The following AGPAT5 variants were observed in gnomAD, a reference collection of about 807,000 sequenced individuals.
AGPAT5 encodes the protein 1-acyl-sn-glycerol-3-phosphate acyltransferase epsilon.
A neutral mutation model predicts 45.6 loss-of-function variants in AGPAT5; 46 were observed. That is an observed-to-expected ratio of 1.01 (90% CI 0.80 to 1.29). The LOEUF is 1.29. Ranked by LOEUF, AGPAT5 falls within the 50% of genes most tolerant of loss-of-function variation. The probability of loss-of-function intolerance (pLI) is 0.00; values close to 1 mark genes in which losing one functional copy is unlikely to be tolerated. For missense variants in AGPAT5, 673 were observed against 450.7 expected (o/e 1.49, Z -4.47); for synonymous variants, 272 against 167.0 (o/e 1.63, Z -4.85).
rs568253542 is a variant in AGPAT5, at chr8:6,758,517, G to A, written c.*1129G>A. Reference sequence around the variant, plus strand: ...CCACTTTCAGAGTTGAACTCTTTAAGCCCTTGTGAGTGGGCTTCACCAGCT... The same window carrying A: ...CCACTTTCAGAGTTGAACTCTTTAAACCCTTGTGAGTGGGCTTCACCAGCT... On this transcript the variant is annotated 3_prime_UTR_variant, in exon 8 of 8. Transcript: ENST00000285518. 13 of 152,508 alleles carry A rather than the reference G, an allele frequency of 8.5e-5. No individual in the cohort carries two copies. The South Asian group carries it at 2.7e-3, about 32-fold the overall frequency. 9.4% of individuals were successfully genotyped at this position (152,508 alleles called of 1,614,324 possible). A position where few individuals can be genotyped will look rare whatever the true frequency, so the allele number is the denominator to read the frequency against.
chr8:6,726,195 G>A (rs1270545536), intron 2 of AGPAT5, among the ~76,000 whole-genome samples: 2 of 152,120 alleles, frequency 1.3e-5, no homozygotes, highest in Non-Finnish European at 2.9e-5. Context: ...CAGACATATT[G>A]GCTGTTTTAC....
At chr8:6,731,321 C>G (rs1800855099) in intron 3 of AGPAT5, among the ~76,000 whole-genome samples, 1 of 152,048 alleles carries the variant, frequency 6.6e-6, no homozygotes, top group Non-Finnish European at 1.5e-5. Context: ...GGTTTTCCTT[C>G]AGCATCTGTG....
intron 1 of AGPAT5, among the ~76,000 whole-genome samples, chr8:6,721,643 A>T (rs1023463454): frequency 6.6e-6 from 1 of 152,190 alleles, no homozygotes; most frequent in East Asian, 1.9e-4. Flanking sequence ...TGAGGATTCA[A>T]ATTCAAGTCT....
Position 6,747,799 on chromosome 8 carries a change from G to A in AGPAT5, c.716G>A (p.Gly239Glu), listed in dbSNP as rs888628686. 1.2e-6 allele frequency: 2 copies of A among 1,614,024 alleles called. No individual in the cohort carries two copies. Among genetic ancestry groups the A allele is most frequent in the Admixed American group, 1.7e-5 (1 of 60,006 alleles). ...TVVYEGKDDG[G>E]QRRESPTMTE... ...GTTTATGAAGGGAAAGACGATGGAG[G>A]GCAGCGAAGAGAGTCACCGACCATG... The change falls in exon 6 of 8, where the codon GGG becomes GAG. Residue 239 changes from glycine to glutamate, a missense_variant. Gly to Glu is a moderately conservative substitution (Grantham distance 98). Transcript: ENST00000285518.
Position 6,759,367 on chromosome 8 carries a change from G to C in AGPAT5, c.*1979G>C, listed in dbSNP as rs535304188. On this transcript the variant is annotated 3_prime_UTR_variant, in exon 8 of 8. Coordinates refer to ENST00000285518, the MANE Select transcript of AGPAT5 (RefSeq NM_018361.5). ...AACTATACTAATCTTCTCACAAAAG[G>C]TCTATAAAATACAGTCGTTGAAAAA... 1 of 152,196 alleles carries C rather than the reference G, an allele frequency of 6.6e-6. No individual in the cohort carries two copies. Among genetic ancestry groups the C allele is most frequent in the East Asian group, 1.9e-4 (1 of 5,184 alleles). The allele number at this position is 152,196 out of a possible 1,614,324, so 9.4% of individuals were successfully genotyped here.
At chr8:6,711,706 C>T (rs983537008) in intron 1 of AGPAT5, among the ~76,000 whole-genome samples, 1 of 152,068 alleles carries the variant, frequency 6.6e-6, no homozygotes, top group African/African-American at 2.4e-5. Flanking sequence ...GGTGTAGGCT[C>T]AATTTTACTC....
chr8:6,736,111 C>A (rs528144103), intron 4 of AGPAT5, among the ~76,000 whole-genome samples: 1 of 152,354 alleles, frequency 6.6e-6, no homozygotes, highest in African/African-American at 2.4e-5. Flanking sequence ...CTCGGCCCCC[C>A]ACAGTGCTGG....
At chr8:6,715,114 A>G (rs980108130) in intron 1 of AGPAT5, among the ~76,000 whole-genome samples, 1 of 152,190 alleles carries the variant, frequency 6.6e-6, no homozygotes, top group Non-Finnish European at 1.5e-5. Flanking sequence ...CAAGGGGTAC[A>G]ATGTTTGATA....
chr8:6,725,756 T>C (rs1800663895), intron 2 of AGPAT5, among the ~76,000 whole-genome samples: 2 of 152,204 alleles, frequency 1.3e-5, no homozygotes, highest in East Asian at 3.8e-4. Flanking sequence ...TTAAAAAATA[T>C]AATACCTAGA....
rs376509327 is a variant in AGPAT5, at chr8:6,727,152, A to T, written c.289+2213A>T. 2.0e-3 allele frequency among the ~76,000 whole-genome samples: 308 copies of T among 152,284 alleles called. 12 individuals carry two copies. In the South Asian group the frequency reaches 0.06, roughly 30 times the overall value. On this transcript the variant is annotated intron_variant, in intron 2 of 7. Transcript: ENST00000285518. ...TTTCAAAGACTGTTGTTCTGCTTAG[A>T]CTTTCTAGTTTGTCTTCTGCCAGGC...
At chr8:6,742,103 T>A (rs193271072) in intron 5 of AGPAT5, among the ~76,000 whole-genome samples, 1 of 152,324 alleles carries the variant, frequency 6.6e-6, no homozygotes, top group Non-Finnish European at 1.5e-5. Context: ...ATGACAGACC[T>A]AAGTTGGAGT....
chr8:6,736,797 T>C (rs1397717706), intron 4 of AGPAT5, among the ~76,000 whole-genome samples: 1 of 152,230 alleles, frequency 6.6e-6, no homozygotes, highest in Non-Finnish European at 1.5e-5. Context: ...TCACCTCTCA[T>C]TTACTTTCAC....
At chr8:6,719,754 A>C (rs889166734) in intron 1 of AGPAT5, among the ~76,000 whole-genome samples, 9 of 152,236 alleles carry the variant, frequency 5.9e-5, no homozygotes, top group Non-Finnish European at 1.0e-4. Context: ...CATATTAATG[A>C]AACGTTGATG....
chr8:6,714,856 G>A (rs1000822466), intron 1 of AGPAT5, among the ~76,000 whole-genome samples: 2 of 152,188 alleles, frequency 1.3e-5, no homozygotes, highest in African/African-American at 2.4e-5. Flanking sequence ...TATATACCTA[G>A]TTTACTTTCC....
Position 6,735,848 on chromosome 8 carries a change from C to CTTTT in AGPAT5, c.495+3198_495+3199insTTTT, listed in dbSNP as rs1563295313. Among the ~76,000 whole-genome samples the CTTTT allele has an allele frequency of 4.6e-3, 246 of 53,618 alleles. 18 individuals are homozygous for CTTTT. The highest frequency in any genetic ancestry group is 0.015 in the Middle Eastern group (1 of 68). 35.2% of individuals were successfully genotyped at this position (53,618 alleles called of 152,430 possible). A position where few individuals can be genotyped will look rare whatever the true frequency, so the allele number is the denominator to read the frequency against. On this transcript the variant is annotated intron_variant, in intron 4 of 7. Coordinates refer to ENST00000285518, the MANE Select transcript of AGPAT5 (RefSeq NM_018361.5). Reference sequence around the variant, plus strand: ...GTGTTCCTGTTTATTCTTTATATAGCCTTTTTTTTTTTTTTTTTTTTTTTG... The same window carrying CTTTT: ...GTGTTCCTGTTTATTCTTTATATAGCTTTTCTTTTTTTTTTTTTTTTTTTTTTTG...
chr8:6,739,168 C>G (rs1587042306), intron 4 of AGPAT5, among the ~76,000 whole-genome samples: 2 of 152,064 alleles, frequency 1.3e-5, no homozygotes, highest in East Asian at 3.9e-4. Context: ...ATCCTTATGC[C>G]AATACCATAC....
intron 1 of AGPAT5, among the ~76,000 whole-genome samples, chr8:6,723,380 T>A (rs1800572128): frequency 6.6e-6 from 1 of 152,138 alleles, no homozygotes; most frequent in Non-Finnish European, 1.5e-5. Flanking sequence ...AGAGACAGGG[T>A]CTGGCTGTGC....
chr8:6,726,690 G>A (rs1462067389), intron 2 of AGPAT5, among the ~76,000 whole-genome samples: 2 of 152,108 alleles, frequency 1.3e-5, no homozygotes, highest in Non-Finnish European at 2.9e-5. Context: ...ACTATGGGAA[G>A]GATAATCTTC....
At chr8:6,730,457 A>T (rs2116896319) in intron 2 of AGPAT5, among the ~76,000 whole-genome samples, 1 of 46,616 alleles carries the variant, frequency 2.1e-5, no homozygotes, top group Non-Finnish European at 3.3e-5. Context: ...CAGCCTCCCG[A>T]GTAGCTGGGA....
Sources: gnomAD v4.1 joint callset for allele counts (sites outside exome capture counted in the v4.1 genomes callset) on GRCh38, gnomAD v4.1.1 for gene constraint, MANE v1.5 for transcripts, NCBI Gene and HGNC (gene_info 2026-07-23, HGNC 2026-07-21) for gene names.